Variants in WWOX observed in about 807,000 individuals in gnomAD.
The protein encoded by WWOX is WW domain-containing oxidoreductase.
A neutral mutation model predicts 46.2 loss-of-function variants in WWOX; 69 were observed. The ratio of observed to expected loss-of-function variants is 1.49; its 90% CI spans 1.23 to 1.82. The LOEUF (loss-of-function observed/expected upper bound fraction) is 1.82. WWOX is among the 40% of genes most tolerant of loss of function. The pLI is 0.00. For missense variants in WWOX, 919 were observed against 542.6 expected, an observed-to-expected ratio of 1.69 and a Z score of -6.89; for synonymous variants, 359 against 202.6, an observed-to-expected ratio of 1.77 and a Z score of -6.56.
At chr16:79,069,430 C>G (rs2048506896) in intron 8 of WWOX, among the ~76,000 whole-genome samples, 1 of 152,092 alleles carries the variant, frequency 6.6e-6, no homozygotes, top group Non-Finnish European at 1.5e-5. Context: ...GTTTAAAGAC[C>G]TTTACATCTC....
chr16:78,997,884 C>CT (rs879945553), intron 8 of WWOX, among the ~76,000 whole-genome samples: 27 of 148,896 alleles, frequency 1.8e-4, no homozygotes, highest in Middle Eastern at 3.4e-3. Flanking sequence ...AACATTCTTT[C>CT]TTTTTTTTTT....
intron 8 of WWOX, among the ~76,000 whole-genome samples, chr16:79,182,565 G>A (rs930249312): frequency 6.6e-6 from 1 of 152,046 alleles, no homozygotes; most frequent in African/African-American, 2.4e-5. Flanking sequence ...GGTTGGTGGG[G>A]TTATTTGTGC....
chr16:78,267,780 T>A (rs1016532905), intron 5 of WWOX, among the ~76,000 whole-genome samples: 1 of 152,168 alleles, frequency 6.6e-6, no homozygotes, highest in Non-Finnish European at 1.5e-5. Flanking sequence ...GATTGATTGA[T>A]TGATTGTGAG....
chr16:78,424,422 G>A (rs143972680), intron 6 of WWOX, among the ~76,000 whole-genome samples: 2 of 152,238 alleles, frequency 1.3e-5, no homozygotes, highest in African/African-American at 2.4e-5. Flanking sequence ...GCCTGGCCCT[G>A]TGTCAGCCTT....
At chr16:78,723,746 T>C (rs1220182277) in intron 8 of WWOX, among the ~76,000 whole-genome samples, 2 of 152,032 alleles carry the variant, frequency 1.3e-5, no homozygotes, top group East Asian at 1.9e-4. Context: ...GACAGTTCTT[T>C]ATTGCTTTCC....
chr16:78,845,060 C>A (rs550301004), intron 8 of WWOX, among the ~76,000 whole-genome samples: 9 of 152,126 alleles, frequency 5.9e-5, no homozygotes, highest in African/African-American at 1.2e-4. Context: ...AAATGGAAAA[C>A]CTTCATTCCA....
chr16:78,580,505 C>G (rs1452260121), intron 8 of WWOX, among the ~76,000 whole-genome samples: 1 of 152,160 alleles, frequency 6.6e-6, no homozygotes, highest in African/African-American at 2.4e-5. Context: ...TGCCCAGAGG[C>G]ATTTATAAGC....
chr16:78,939,865 T>G (rs2045817083), intron 8 of WWOX, among the ~76,000 whole-genome samples: 1 of 152,238 alleles, frequency 6.6e-6, no homozygotes, highest in Non-Finnish European at 1.5e-5. Flanking sequence ...GGCATAGACG[T>G]GTGGACGTTG....
At chr16:78,425,367 A>G (rs763491776) in intron 7 of WWOX, among the ~76,000 whole-genome samples, 10 of 152,326 alleles carry the variant, frequency 6.6e-5, no homozygotes, top group South Asian at 2.1e-4. Context: ...TTGTAATTCA[A>G]CAACTTCAAC....
intron 7 of WWOX, among the ~76,000 whole-genome samples, chr16:78,430,736 C>T (rs370884553): frequency 2.2e-4 from 33 of 152,202 alleles, no homozygotes; most frequent in Non-Finnish European, 2.6e-4. Context: ...TCCTTGATGA[C>T]GTTTCTGGCC....
chr16:78,683,296 AGCTCAGGAGGGCGGGTGGATT>A (rs1345057015), intron 8 of WWOX, among the ~76,000 whole-genome samples: 3 of 120,076 alleles, frequency 2.5e-5, no homozygotes, highest in Non-Finnish European at 3.8e-5. Context: ...GGATTGCCTG[AGCTCAGGAGGGCGGGTGGATT>A]GCCTGAGCTC....
chr16:78,182,971 A>G (rs2151755153), intron 5 of WWOX, among the ~76,000 whole-genome samples: 1 of 150,664 alleles, frequency 6.6e-6, no homozygotes, highest in African/African-American at 2.4e-5. Context: ...AAAAAAAGAA[A>G]GAAAGAAAGC....
intron 5 of WWOX, among the ~76,000 whole-genome samples, chr16:78,288,232 G>T (rs2079801961): frequency 6.6e-6 from 1 of 151,006 alleles, no homozygotes; most frequent in Non-Finnish European, 1.5e-5. Flanking sequence ...TGATCAGTTG[G>T]CAGGAGACAG....
rs371822104 is a variant in WWOX at position 78,453,290 on chromosome 16, A to C, written c.1056+20538A>C. ...AGTACAGAAATTAGTTGGGCATGGT[A>C]GCGGTGCCTGTAATCCCAGCTGCTT... On this transcript the variant is annotated intron_variant, in intron 8 of 8. Coordinates refer to ENST00000566780, the MANE Select transcript of WWOX (RefSeq NM_016373.4). Among the ~76,000 whole-genome samples, 94 of 151,982 alleles carry C rather than the reference A, an allele frequency of 6.2e-4. No homozygotes were observed. The Middle Eastern group carries it at 0.02, about 33-fold the overall frequency.
chr16:78,328,558 GTATT>G (rs1234804993), intron 5 of WWOX, among the ~76,000 whole-genome samples: 2 of 152,198 alleles, frequency 1.3e-5, no homozygotes, highest in African/African-American at 2.4e-5. Flanking sequence ...CTTGCAACAA[GTATT>G]TATTGTAGGC....
intron 8 of WWOX, among the ~76,000 whole-genome samples, chr16:79,177,437 C>G (rs946020028): frequency 1.3e-5 from 2 of 152,296 alleles, no homozygotes. Flanking sequence ...TTACACACTT[C>G]CGCTAACCTC....
rs540929512 is a variant in WWOX, at chr16:78,694,830, T to G, written c.1056+262078T>G. Reference sequence around the variant, plus strand: ...CCTGAATCACCCCACTACTCTTTTTTTTTTTCCGCTGCATTCTGCTATGTA... The same window carrying G: ...CCTGAATCACCCCACTACTCTTTTTGTTTTTCCGCTGCATTCTGCTATGTA... On this transcript the variant is annotated intron_variant, in intron 8 of 8. Transcript: ENST00000566780. Among the ~76,000 whole-genome samples, 12 of 152,312 alleles carry G rather than the reference T, an allele frequency of 7.9e-5. No individual in the cohort carries two copies. In the South Asian group the frequency reaches 2.5e-3, roughly 32 times the overall value.
In WWOX at chr16:78,192,482, A is replaced by T. The variant is rs944519309; in HGVS notation, c.516+28193A>T. Among the ~76,000 whole-genome samples the T allele has an allele frequency of 4.0e-5, 5 of 124,824 alleles. No homozygotes were observed. In the East Asian group the frequency reaches 7.0e-4, roughly 18 times the overall value. 81.9% of individuals were successfully genotyped at this position (124,824 alleles called of 152,430 possible). Reference sequence around the variant, plus strand: ...ACTCCAGCCTAGGTGACAGAGTGAGACTCCGTCTCAAAAAAAAAAAAAAAA... The same window carrying T: ...ACTCCAGCCTAGGTGACAGAGTGAGTCTCCGTCTCAAAAAAAAAAAAAAAA... On this transcript the variant is annotated intron_variant, in intron 5 of 8. Transcript: ENST00000566780.
At chr16:78,579,300 A>G (rs557664793) in intron 8 of WWOX, among the ~76,000 whole-genome samples, 1 of 152,242 alleles carries the variant, frequency 6.6e-6, no homozygotes, top group African/African-American at 2.4e-5. Flanking sequence ...GTGACAGCAT[A>G]TGTCGACGGT....
Sources: gnomAD v4.1 joint callset for allele counts (sites outside exome capture counted in the v4.1 genomes callset) on GRCh38, gnomAD v4.1.1 for gene constraint, MANE v1.5 for transcripts, NCBI Gene and HGNC (gene_info 2026-07-23, HGNC 2026-07-21) for gene names.